The following FLNC variants were observed in gnomAD, a reference collection of about 807,000 sequenced individuals.
The protein encoded by FLNC is filamin-C.
A neutral mutation model predicts 254.3 loss-of-function variants in FLNC; 91 were observed. That is an observed-to-expected ratio of 0.36 (90% confidence interval 0.30 to 0.43). The LOEUF (loss-of-function observed/expected upper bound fraction) is 0.43. FLNC is among the 20% of genes least tolerant of loss of function. FLNC has a pLI of 1.00. For synonymous variants in FLNC, 1,430 were observed against 1,577.2 expected, an observed-to-expected ratio of 0.91 and a Z score of 2.21; for missense variants, 2,853 against 3,802.6, an observed-to-expected ratio of 0.75 and a Z score of 6.57.
At position 128,855,327 on chromosome 7, in the gene FLNC, G is replaced by A. The variant is rs367952484; in HGVS notation, c.7251+13G>A. ...CACCAGCCTCCAGGTTTGTGCCCAG[G>A]GTGGGGGTGGAGGGTTTCTGCTATC... On this transcript the variant is annotated intron_variant, in intron 43 of 47. Coordinates refer to ENST00000325888, the MANE Select transcript of FLNC (RefSeq NM_001458.5). 9.7e-5 allele frequency: 150 copies of A among 1,550,066 alleles called. No homozygotes were observed. Among genetic ancestry groups the A allele is most frequent in the Non-Finnish European group, 1.2e-4 (139 of 1,123,186 alleles).
At position 128,847,772 on chromosome 7, in the gene FLNC, C is replaced by A; in HGVS notation, c.4364C>A (p.Ala1455Asp). The change falls in exon 25 of 48, where the codon GCT (alanine) becomes GAT (aspartate). Residue 1455 changes from alanine to aspartate, a missense_variant. By Grantham distance (126) the Ala-to-Asp change is moderately radical (BLOSUM62 -2). This residue lies in a region of FLNC where 1,573 missense variants were observed against 1,883.5 expected (regional missense o/e 0.84). Coordinates refer to ENST00000325888, the MANE Select transcript of FLNC (RefSeq NM_001458.5). The stretch of plus-strand genomic sequence containing the variant: ...AAGTGCTCAGGGCCAGGGCTGGGGG[C>A]TGGTGTCAGGGCCCGGGTTCCTCAG... ...KVKCSGPGLG[A>D]GVRARVPQTF... The A allele has an allele frequency of 6.2e-7, 1 of 1,614,120 alleles. No individual in the cohort carries two copies.
rs2128936102 is a variant in FLNC, at chr7:128,843,871, C to A, written c.2887C>A (p.Pro963Thr). ...CCCCTTTGTGGTGAATGTGGCACCC[C>A]CGCTGGACCTCAGCAAAATCAAAGT... ...KSPFVVNVAP[P>T]LDLSKIKVQG... is the part of the protein sequence containing the mutation. Residue 963 changes from proline to threonine, a missense_variant, in exon 19 of 48, where the codon CCG becomes ACG. Physicochemically the swap from Pro to Thr is conservative, Grantham distance 38. Around this residue, in one of 10 missense-constraint regions of FLNC, gnomAD observed 1,573 missense variants for 1,883.5 expected, o/e 0.84. Transcript: ENST00000325888. 6.2e-7 allele frequency: 1 copy of A among 1,614,066 alleles called. No individual in the cohort carries two copies. Among genetic ancestry groups the A allele is most frequent in the South Asian group, 1.1e-5 (1 of 91,082 alleles).
chr7:128,831,502 G>T (rs1807891091), intron 1 of FLNC, among the ~76,000 whole-genome samples: 1 of 152,242 alleles, frequency 6.6e-6, no homozygotes, highest in Non-Finnish European at 1.5e-5. Flanking sequence ...GAGCTGGCGC[G>T]GGAGGCCCTC....
chr7:128,830,641 A>T lies in FLNC; in HGVS notation c.4A>T (p.Met2Leu). 1.2e-6 allele frequency: 2 copies of T among 1,612,118 alleles called. No homozygotes were observed. Among genetic ancestry groups the T allele is most frequent in the Non-Finnish European group, 1.7e-6 (2 of 1,179,606 alleles). MMNNSGYSDAGL... is the reference protein window; with the variant it reads MLNNSGYSDAGL... The stretch of plus-strand genomic sequence containing the variant: ...CGCACCCCCAGCCCGCGCCAGCATG[A>T]TGAACAACAGCGGCTACTCAGACGC... Residue 2 changes from methionine (M) to leucine (L), a missense_variant, in exon 1 of 48, where the codon ATG (methionine) becomes TTG (leucine). By Grantham distance (15) the Met-to-Leu change is conservative. Coordinates refer to ENST00000325888, the MANE Select transcript of FLNC (RefSeq NM_001458.5).
chr7:128,849,612 T>C (rs1370863493), intron 30 of FLNC, 34 bp downstream of exon 30: 3 of 1,608,918 alleles, frequency 1.9e-6, no homozygotes, highest in Non-Finnish European at 2.5e-6. Flanking sequence ...ACTAGATGGC[T>C]GGGGAGGGGG....
chr7:128,844,907 A>ACCATT lies in FLNC; in HGVS notation c.3444_3448dup (p.Arg1150ProfsTer41). ...CATCCCTGGCTCGCCCTTCAAAGCC[A>ACCATT]CCATTCGGCCTGTGTTTGACCCGAG... On this transcript the variant is annotated frameshift_variant, in exon 21 of 48. Coordinates refer to ENST00000325888, the MANE Select transcript of FLNC (RefSeq NM_001458.5). LOFTEE classifies it high-confidence loss of function. The ACCATT allele has an allele frequency of 6.2e-7, 1 of 1,613,836 alleles. No individual in the cohort carries two copies. Among genetic ancestry groups the ACCATT allele is most frequent in the Non-Finnish European group, 8.5e-7 (1 of 1,180,030 alleles).
intron 35 of FLNC, among the ~76,000 whole-genome samples, chr7:128,852,167 A>C (rs1032479087): frequency 1.3e-5 from 2 of 152,164 alleles, no homozygotes; most frequent in Non-Finnish European, 2.9e-5. Context: ...CCCAGCATGA[A>C]GTCACTCTTA....
At chr7:128,853,330 T>C (rs1169539739) in intron 37 of FLNC, 139 bp from the exon 38 acceptor site, 1 of 1,106,164 alleles carries the variant, frequency 9.0e-7, no homozygotes, top group African/African-American at 1.6e-5. Flanking sequence ...CCCCCGCTCC[T>C]CCCACTGAGC....
rs763590558 is a variant in FLNC, at chr7:128,845,971, C to T, written c.3791-19C>T. ...AGGCTGCCCCCACCCCTGCTGAACA[C>T]GCCACCCCTGGGCTCCAGGTGTCCT... On this transcript the variant is annotated intron_variant, in intron 21 of 47. Coordinates refer to ENST00000325888, the MANE Select transcript of FLNC (RefSeq NM_001458.5). 12 of 1,612,790 alleles carry T rather than the reference C, an allele frequency of 7.4e-6. No individual in the cohort carries two copies. The highest frequency in any genetic ancestry group is 2.7e-5 in the African/African-American group (2 of 74,852).
chr7:128,843,552 C>G lies in FLNC; in HGVS notation c.2786C>G (p.Thr929Ser). ...ATAGACAACCATGACTACTCCTACA[C>G]TGTCAAGTACACCGCTGTCCAGCAG... ...EIIDNHDYSY[T>S]VKYTAVQQGN... The change falls in exon 18 of 48, where the codon ACT becomes AGT. Residue 929 changes from threonine (T) to serine (S), a missense_variant. By Grantham distance (58) the Thr-to-Ser change is moderately conservative. Around this residue, in one of 10 missense-constraint regions of FLNC, gnomAD observed 1,573 missense variants for 1,883.5 expected, o/e 0.84. Coordinates refer to ENST00000325888, the MANE Select transcript of FLNC (RefSeq NM_001458.5). The G allele has an allele frequency of 6.2e-7, 1 of 1,613,896 alleles. No homozygotes were observed.
chr7:128,846,302 C>G lies in FLNC; in HGVS notation c.3966C>G (p.Gly1322=), dbSNP rs200237564. 2 of 1,613,646 alleles carry G rather than the reference C, an allele frequency of 1.2e-6. No individual in the cohort carries two copies. The highest frequency in any genetic ancestry group is 1.7e-6 in the Non-Finnish European group (2 of 1,179,950). The part of the protein sequence containing the change: ...YRVQYTAYEE[G]VHLVEVLYDE... The stretch of plus-strand genomic sequence containing the variant: ...GATGCCCCTGTGGCTGGCTTCCAGG[C>G]GTGCATCTGGTGGAGGTCCTGTATG... Residue 1322 remains glycine (G), a splice_region_variant and synonymous_variant, in exon 23 of 48, where the codon GGC becomes GGG. Coordinates refer to ENST00000325888, the MANE Select transcript of FLNC (RefSeq NM_001458.5).
In FLNC at chr7:128,835,907, C is replaced by T. The variant is rs1024927734; in HGVS notation, c.601+333C>T. On this transcript the variant is annotated intron_variant, in intron 2 of 47. Transcript: ENST00000325888. The surrounding 1 kb of genome is among the most constrained non-coding windows in gnomAD (Gnocchi z 5.3). Reference sequence around the variant, plus strand: ...CCACCTAGAGCCCAGGGCCTGGACTCCCTGCCCCATGAATTTTTTACTGTG... The same window carrying T: ...CCACCTAGAGCCCAGGGCCTGGACTTCCTGCCCCATGAATTTTTTACTGTG... 6.6e-6 allele frequency among the ~76,000 whole-genome samples: 1 copy of T among 152,226 alleles called. No individual in the cohort carries two copies. The highest frequency in any genetic ancestry group is 2.1e-4 in the South Asian group (1 of 4,826).
chr7:128,847,903 G>T, intron 25 of FLNC, 39 bp downstream of exon 25: 1 of 1,613,774 alleles, frequency 6.2e-7, no homozygotes, highest in Non-Finnish European at 8.5e-7. Context: ...GAGGTGGGGC[G>T]GGACGCCCGG....
chr7:128,844,178 C>T lies in FLNC; in HGVS notation c.3104C>T (p.Pro1035Leu), dbSNP rs1808458197. ...CGCTACATGCCCCCGGAGGAGGGGC[C>T]CTACAAGGTGGATATCACCTACGAT... is the stretch of plus-strand genomic sequence containing the variant. ...AVRYMPPEEG[P>L]YKVDITYDGH... Residue 1035 changes from proline to leucine, a missense_variant, in exon 20 of 48, where the codon CCC becomes CTC. Pro to Leu is a moderately conservative substitution (Grantham distance 98, BLOSUM62 -3). This residue lies in a region of FLNC where 1,573 missense variants were observed against 1,883.5 expected (regional missense o/e 0.84). Coordinates refer to ENST00000325888, the MANE Select transcript of FLNC (RefSeq NM_001458.5). 1 of 1,613,818 alleles carries T rather than the reference C, an allele frequency of 6.2e-7. No individual in the cohort carries two copies. Among genetic ancestry groups the T allele is most frequent in the Non-Finnish European group, 8.5e-7 (1 of 1,179,958 alleles).
chr7:128,857,315 C>T lies in FLNC; in HGVS notation c.7759C>T (p.Pro2587Ser). The T allele has an allele frequency of 6.2e-7, 1 of 1,613,104 alleles. No homozygotes were observed. Among genetic ancestry groups the T allele is most frequent in the Non-Finnish European group, 8.5e-7 (1 of 1,179,574 alleles). The change falls in exon 46 of 48, where the codon CCC (proline) becomes TCC (serine). Residue 2587 changes from proline to serine, a missense_variant. Pro to Ser is a moderately conservative substitution (Grantham distance 74). This residue lies in a region of FLNC where 197 missense variants were observed against 351.5 expected (regional missense o/e 0.56). Transcript: ENST00000325888. The surrounding 1 kb of genome is among the most constrained non-coding windows in gnomAD (Gnocchi z 4.5). ...TGGCCCCCAGCACATCGTGGGCAGC[C>T]CCTTCAAGGCCAAGGTCACTGGTGA... is the stretch of plus-strand genomic sequence containing the variant. ...YGGPQHIVGS[P>S]FKAKVTGPRL...
intron 31 of FLNC, 139 bp from the exon 32 acceptor site, chr7:128,850,245 C>A: frequency 1.1e-6 from 1 of 931,704 alleles, no homozygotes; most frequent in Non-Finnish European, 1.8e-6. Flanking sequence ...CCTTCTCTTG[C>A]AGCTGACGCA....
In FLNC at chr7:128,853,772, G is replaced by A. The variant is rs368662317; in HGVS notation, c.6419G>A (p.Arg2140Gln). ...GEGRMKESITRRRQAPSIATI... is the reference protein window; with the variant it reads ...GEGRMKESITQRRQAPSIATI... ...GGCCGCATGAAGGAGAGCATCACCCGGCGGAGACAGGCACCTTCCATCGCC... is the reference window on the plus strand; with the variant it reads ...GGCCGCATGAAGGAGAGCATCACCCAGCGGAGACAGGCACCTTCCATCGCC... The change falls in exon 39 of 48, where the codon CGG becomes CAG. Residue 2140 changes from arginine (R) to glutamine (Q), a missense_variant. Transcript: ENST00000325888. The A allele has an allele frequency of 1.9e-5, 31 of 1,613,700 alleles. No individual in the cohort carries two copies. Among genetic ancestry groups the A allele is most frequent in the Non-Finnish European group, 2.4e-5 (28 of 1,180,028 alleles).
At chr7:128,843,682 T>C (rs1808435869) in intron 18 of FLNC, 105 bp downstream of exon 18, 1 of 1,496,814 alleles carries the variant, frequency 6.7e-7, no homozygotes, top group African/African-American at 1.4e-5. Flanking sequence ...ACGCCTTTCC[T>C]GCCTCCTGCC....
In FLNC at chr7:128,843,912, C is replaced by A; in HGVS notation, c.2928C>A (p.Ser976Arg). 6.2e-7 allele frequency: 1 copy of A among 1,614,048 alleles called. No homozygotes were observed. Among genetic ancestry groups the A allele is most frequent in the South Asian group, 1.1e-5 (1 of 91,078 alleles). The change falls in exon 19 of 48, where the codon AGC (serine) becomes AGA (arginine). Residue 976 changes from serine (S) to arginine (R), a missense_variant and splice_region_variant. Around this residue, in one of 10 missense-constraint regions of FLNC, gnomAD observed 1,573 missense variants for 1,883.5 expected, o/e 0.84. Coordinates refer to ENST00000325888, the MANE Select transcript of FLNC (RefSeq NM_001458.5). ...AAATCAAAGTTCAGGGCCTTAATAG[C>A]AGTAAGTGGGGCAAGAGCCACCCTG... ...LSKIKVQGLN[S>R]KVAVGQEQAF...
Sources: gnomAD v4.1 joint callset for allele counts (sites outside exome capture counted in the v4.1 genomes callset) on GRCh38, gnomAD v4.1.1 for gene constraint, gnomAD v4.1.1 regional missense constraint, Gnocchi (gnomAD v3.1) non-coding constraint, MANE v1.5 for transcripts, NCBI Gene and HGNC (gene_info 2026-07-23, HGNC 2026-07-21) for gene names.